The following HDAC9 variants were observed in gnomAD, a reference collection of about 807,000 sequenced individuals.
HDAC9 encodes the protein histone deacetylase 9.
Under a neutral mutation model 139.4 loss-of-function variants are expected in HDAC9, and 41 were observed. The ratio of observed to expected loss-of-function variants is 0.29; its 90% CI spans 0.23 to 0.38. The LOEUF is 0.38. Among genes scored for constraint, HDAC9 ranks in the 10% least tolerant of loss-of-function variants. The pLI, the probability that HDAC9 is intolerant of heterozygous loss-of-function variation, is 1.00. For missense variants in HDAC9, 1,147 were observed against 1,297.0 expected (o/e 0.88, Z 1.78); for synonymous variants, 517 against 476.2 (o/e 1.09, Z -1.12).
intron 2 of HDAC9, chr7:18,578,160 A>G (rs1439827523): frequency 3.9e-6 from 2 of 518,910 alleles, no homozygotes; most frequent in Non-Finnish European, 7.7e-6. Flanking sequence ...AGCCAGAGAA[A>G]CAAGATGGTG....
intron 1 of HDAC9, among the ~76,000 whole-genome samples, chr7:18,146,044 T>C (rs1291519427): frequency 6.6e-6 from 1 of 151,980 alleles, no homozygotes; most frequent in Non-Finnish European, 1.5e-5. Context: ...TGCTGATTGG[T>C]TGGGAAAAAA....
chr7:18,825,887 AAT>A (rs1233789117), intron 17 of HDAC9, among the ~76,000 whole-genome samples: 3 of 148,210 alleles, frequency 2.0e-5, no homozygotes, highest in Non-Finnish European at 3.0e-5. Context: ...ATATTTATAT[AAT>A]ATATATAATG....
chr7:18,859,813 T>TTC (rs1797961989), intron 21 of HDAC9, among the ~76,000 whole-genome samples: 1 of 20,488 alleles, frequency 4.9e-5, no homozygotes, highest in African/African-American at 3.7e-4. Context: ...AACGCTCTCA[T>TTC]ATATATATAT....
chr7:18,960,645 G>A (rs140948037), intron 24 of HDAC9, among the ~76,000 whole-genome samples: 2 of 152,114 alleles, frequency 1.3e-5, no homozygotes, highest in South Asian at 2.1e-4. Flanking sequence ...TTTTCTTGGC[G>A]ATTAAGAGAA....
chr7:18,217,663 C>G (rs1349629714), intron 2 of HDAC9, among the ~76,000 whole-genome samples: 1 of 152,138 alleles, frequency 6.6e-6, no homozygotes, highest in Non-Finnish European at 1.5e-5. Flanking sequence ...TGGAATTAAT[C>G]TTAAAAATCT....
intron 25 of HDAC9, among the ~76,000 whole-genome samples, chr7:18,994,605 A>ATTCT (rs1786306322): frequency 6.6e-6 from 1 of 151,982 alleles, no homozygotes; most frequent in South Asian, 2.1e-4. Flanking sequence ...AATGATTATC[A>ATTCT]TTCTTTATTT....
At chr7:18,440,550 T>C (rs1791662863) in intron 1 of HDAC9, among the ~76,000 whole-genome samples, 1 of 152,168 alleles carries the variant, frequency 6.6e-6, no homozygotes, top group Non-Finnish European at 1.5e-5. Context: ...CATAAGTGAA[T>C]AAGGGTTTTT....
intron 1 of HDAC9, among the ~76,000 whole-genome samples, chr7:18,116,231 A>G (rs1229046372): frequency 6.6e-6 from 1 of 152,208 alleles, no homozygotes; most frequent in Admixed American, 6.5e-5. Flanking sequence ...AATTTTTGAG[A>G]ATAAGAAATA....
At chr7:18,511,980 C>CT (rs1801659760) in intron 2 of HDAC9, among the ~76,000 whole-genome samples, 1 of 140,552 alleles carries the variant, frequency 7.1e-6, no homozygotes, top group South Asian at 2.3e-4. Flanking sequence ...GGAAAAAAGT[C>CT]TATCAGTGAA....
At chr7:18,887,654 A>C (rs1428307046) in intron 22 of HDAC9, among the ~76,000 whole-genome samples, 2 of 152,240 alleles carry the variant, frequency 1.3e-5, no homozygotes. Flanking sequence ...AGCTGGGGTC[A>C]GAATTCATAT....
At chr7:18,446,340 C>T (rs1011486890) in intron 1 of HDAC9, among the ~76,000 whole-genome samples, 4 of 152,180 alleles carry the variant, frequency 2.6e-5, no homozygotes, top group African/African-American at 9.7e-5. Context: ...CATGCATCAG[C>T]ATTGGTCACT....
At chr7:18,257,401 C>CCACA (rs773964606) in intron 2 of HDAC9, among the ~76,000 whole-genome samples, 1,354 of 130,910 alleles carry the variant, frequency 0.01, 11 homozygotes, top group African/African-American at 0.017. Flanking sequence ...TCTGTCTCTC[C>CCACA]CACACACACA....
At chr7:18,203,856 C>T (rs1178315) in intron 2 of HDAC9, among the ~76,000 whole-genome samples, 115,810 of 152,116 alleles carry the variant, frequency 0.76, 44,129 homozygotes, top group South Asian at 0.85. Context: ...TTTTCTCCTT[C>T]TGGTTACATT....
chr7:18,133,697 A>G (rs754392735), intron 1 of HDAC9, among the ~76,000 whole-genome samples: 4 of 152,118 alleles, frequency 2.6e-5, no homozygotes, highest in Non-Finnish European at 4.4e-5. Flanking sequence ...CTTGAGACAG[A>G]TAACCAAAAG....
chr7:18,377,826 C>A (rs1202804486), intron 1 of HDAC9, among the ~76,000 whole-genome samples: 3 of 152,062 alleles, frequency 2.0e-5, no homozygotes, highest in Non-Finnish European at 4.4e-5. Flanking sequence ...TGCAGTTATC[C>A]ATACAAAGAT....
At position 18,797,969 on chromosome 7, in the gene HDAC9, GAT is replaced by G. The variant is rs147765289; in HGVS notation, c.2322+4534_2322+4535del. On this transcript the variant is annotated intron_variant, in intron 17 of 25. Transcript: ENST00000686413. ...TATTATGAGGATTTATCCATGTGGA[GAT>G]ATATATATATATATATGAATGATTA... 6.8e-3 allele frequency among the ~76,000 whole-genome samples: 1,001 copies of G among 148,108 alleles called. 8 individuals carry two copies. The highest frequency in any genetic ancestry group is 0.023 in the African/African-American group (926 of 40,584).
intron 1 of HDAC9, among the ~76,000 whole-genome samples, chr7:18,459,161 C>G (rs1233021353): frequency 1.3e-5 from 2 of 151,962 alleles, no homozygotes; most frequent in African/African-American, 4.8e-5. Flanking sequence ...GTCTTTTTAC[C>G]CCTCTCTACT....
chr7:18,580,611 T>TG (rs1827507952), intron 2 of HDAC9, among the ~76,000 whole-genome samples: 1 of 152,204 alleles, frequency 6.6e-6, no homozygotes, highest in Non-Finnish European at 1.5e-5. Context: ...TTACAACTAA[T>TG]GTGAATACTA....
chr7:18,792,990 C>A (rs1792462531), intron 16 of HDAC9, among the ~76,000 whole-genome samples: 1 of 152,110 alleles, frequency 6.6e-6, no homozygotes, highest in East Asian at 1.9e-4. Flanking sequence ...ACTACTGGGG[C>A]CTGGTTTCTA....
Sources: allele counts gnomAD v4.1 joint callset (sites outside exome capture counted in the v4.1 genomes callset), GRCh38; gene constraint gnomAD v4.1.1; transcripts MANE v1.5; gene names NCBI Gene and HGNC (gene_info 2026-07-23, HGNC 2026-07-21).